Variants in DUXA observed in about 807,000 individuals in gnomAD.
The protein encoded by DUXA is double homeobox protein A.
A neutral mutation model predicts 27.5 loss-of-function variants in DUXA; 25 were observed. The observed-to-expected ratio is 0.91, with a 90% CI of 0.66 to 1.27. DUXA has a LOEUF of 1.27. Among genes scored for constraint, DUXA ranks in the 50% most tolerant of loss-of-function variants. The pLI is 0.00. For missense variants in DUXA, 247 were observed against 242.9 expected (o/e 1.02, Z -0.11); for synonymous variants, 90 against 80.5 (o/e 1.12, Z -0.63).
chr19:57,163,933 G>C (rs12609701), intron 1 of DUXA, among the ~76,000 whole-genome samples: 1 of 151,900 alleles, frequency 6.6e-6, no homozygotes, highest in African/African-American at 2.4e-5. Flanking sequence ...TAACAGTTTA[G>C]ACTGGGCGTA....
At chr19:57,158,092 G>A (rs1051736700) in intron 4 of DUXA, among the ~76,000 whole-genome samples, 3 of 152,094 alleles carry the variant, frequency 2.0e-5, no homozygotes, top group Admixed American at 2.0e-4. Flanking sequence ...CACGTGCCAC[G>A]CACTGTTCAG....
intron 4 of DUXA, among the ~76,000 whole-genome samples, chr19:57,156,006 A>G (rs2122688320): frequency 6.6e-6 from 1 of 152,252 alleles, no homozygotes; most frequent in Admixed American, 6.5e-5. Flanking sequence ...GTGAGAGTCT[A>G]TAAGGCCTAA....
chr19:57,161,571 C>G (rs1047630748), intron 1 of DUXA, among the ~76,000 whole-genome samples: 6 of 150,196 alleles, frequency 4.0e-5, no homozygotes, highest in African/African-American at 1.2e-4. Flanking sequence ...TGCAGTGAGC[C>G]GAGATTGCGC....
At position 57,158,312 on chromosome 19, in the gene DUXA, CCTT is replaced by C; in HGVS notation, c.438+13_438+15del. On this transcript the variant is annotated intron_variant, in intron 4 of 5. Transcript: ENST00000554048. ...AGATCCCTAGGAGATGGGACAACCA[CCTT>C]CTTATCACTCACTTGGACTCTTGAC... The C allele has an allele frequency of 4.3e-6, 7 of 1,611,466 alleles. No individual in the cohort carries two copies. The highest frequency in any genetic ancestry group is 5.9e-6 in the Non-Finnish European group (7 of 1,179,472).
Position 57,160,801 on chromosome 19 carries a change from T to C in DUXA, c.26-4A>G. The C allele has an allele frequency of 6.2e-7, 1 of 1,613,418 alleles. No individual in the cohort carries two copies. ...CTATGATTTGTTTTTACCATCTCTGTAGGAAGATTACAAAAGAAGAAGCAT... is the reference window on the plus strand; with the variant it reads ...CTATGATTTGTTTTTACCATCTCTGCAGGAAGATTACAAAAGAAGAAGCAT... On this transcript the variant is annotated splice_polypyrimidine_tract_variant and splice_region_variant and intron_variant, in intron 1 of 5. Transcript: ENST00000554048.
chr19:57,159,398 G>A, intron 2 of DUXA, 120 bp from the exon 3 acceptor site: 1 of 881,268 alleles, frequency 1.1e-6, no homozygotes, highest in Non-Finnish European at 1.7e-6. Flanking sequence ...ACTTACTTCT[G>A]TCACATTCTA....
chr19:57,160,614 A>G (rs373139168), intron 2 of DUXA, 29 bp downstream of exon 2: 260 of 1,607,196 alleles, frequency 1.6e-4, no homozygotes, highest in Middle Eastern at 1.4e-3. Flanking sequence ...TTTTACTTCC[A>G]GTCCTGGAGA....
intron 4 of DUXA, among the ~76,000 whole-genome samples, chr19:57,155,982 A>AT (rs2086991329): frequency 6.6e-6 from 1 of 152,164 alleles, no homozygotes; most frequent in East Asian, 1.9e-4. Flanking sequence ...CATTATTAAC[A>AT]TTTTATGACA....
At chr19:57,156,547 A>C (rs1397599106) in intron 4 of DUXA, among the ~76,000 whole-genome samples, 3 of 152,084 alleles carry the variant, frequency 2.0e-5, no homozygotes, top group African/African-American at 7.2e-5. Flanking sequence ...GACCACAGCC[A>C]TGTGCCAGCA....
intron 4 of DUXA, among the ~76,000 whole-genome samples, chr19:57,155,648 G>GATAGATAGATAGATAGATAGAT (rs2086989623): frequency 6.7e-6 from 1 of 148,228 alleles, no homozygotes; most frequent in Non-Finnish European, 1.5e-5. Flanking sequence ...CCCAACCCAA[G>GATAGATAGATAGATAGATAGAT]ATAGATAGAT....
intron 3 of DUXA, 142 bp from the exon 4 acceptor site, chr19:57,158,615 A>G (rs2087004489): frequency 9.5e-7 from 1 of 1,052,196 alleles, no homozygotes; most frequent in African/African-American, 1.6e-5. Flanking sequence ...ATCTTGTCCC[A>G]GGTTCCTTCC....
intron 1 of DUXA, among the ~76,000 whole-genome samples, chr19:57,162,170 G>T (rs1049318068): frequency 3.3e-5 from 5 of 152,092 alleles, no homozygotes; most frequent in Non-Finnish European, 5.9e-5. Flanking sequence ...TTACAGATAT[G>T]AGCCACCACC....
At chr19:57,156,660 T>A (rs1365496750) in intron 4 of DUXA, among the ~76,000 whole-genome samples, 1 of 152,180 alleles carries the variant, frequency 6.6e-6, no homozygotes, top group Non-Finnish European at 1.5e-5. Context: ...CCGCCGTAAC[T>A]GGCCACAACT....
At chr19:57,160,523 G>C (rs1433704442) in intron 2 of DUXA, 120 bp downstream of exon 2, 2 of 1,202,814 alleles carry the variant, frequency 1.7e-6, no homozygotes, top group African/African-American at 1.5e-5. Flanking sequence ...GTTTATTGAG[G>C]GTCAGTTGAG....
intron 1 of DUXA, among the ~76,000 whole-genome samples, chr19:57,165,737 A>G (rs1461601993): frequency 1.6e-4 from 24 of 147,266 alleles, no homozygotes; most frequent in South Asian, 4.6e-4. Context: ...CCCGGGAGGC[A>G]GAGCTTGCAG....
intron 1 of DUXA, among the ~76,000 whole-genome samples, chr19:57,166,799 C>T (rs956404750): frequency 2.6e-5 from 4 of 152,096 alleles, no homozygotes; most frequent in African/African-American, 9.7e-5. Flanking sequence ...GAATGTCCAG[C>T]CTGACTGTGT....
In DUXA at chr19:57,158,336, T is replaced by C. The variant is rs1180778844; in HGVS notation, c.430A>G (p.Arg144Gly). 3 of 1,611,876 alleles carry C rather than the reference T, an allele frequency of 1.9e-6. No homozygotes were observed. The highest frequency in any genetic ancestry group is 4.5e-4 in the Middle Eastern group (2 of 4,492). Residue 144 changes from arginine (R) to glycine (G), a missense_variant, in exon 4 of 6, where the codon AGA (arginine) becomes GGA (glycine). Arg to Gly is a moderately radical substitution (Grantham distance 125). Coordinates refer to ENST00000554048, the MANE Select transcript of DUXA (RefSeq NM_001012729.2). ...ACCTTCTTATCACTCACTTGGACTC[T>C]TGACTCTGGAACACCGATTTCTTTA... ...LAKEIGVPES[R>G]VQIWFQNRRS... is the part of the protein sequence containing the mutation.
At chr19:57,158,245 G>A in intron 4 of DUXA, 83 bp downstream of exon 4, 1 of 1,500,566 alleles carries the variant, frequency 6.7e-7, no homozygotes, top group Non-Finnish European at 9.2e-7. Flanking sequence ...AGCATGATGA[G>A]GAACTGCCTG....
chr19:57,161,453 C>T (rs901180525), intron 1 of DUXA, among the ~76,000 whole-genome samples: 1 of 149,854 alleles, frequency 6.7e-6, no homozygotes, highest in Non-Finnish European at 1.5e-5. Context: ...GAAACCCCGT[C>T]TCTACTAAAA....
Sources: allele counts gnomAD v4.1 joint callset (sites outside exome capture counted in the v4.1 genomes callset), GRCh38; gene constraint gnomAD v4.1.1; transcripts MANE v1.5; gene names NCBI Gene and HGNC (gene_info 2026-07-23, HGNC 2026-07-21).